TET1: variants seen among roughly 807,000 people sequenced by gnomAD.
TET1 encodes methylcytosine dioxygenase TET1.
TET1 carries 13 observed loss-of-function variants against 148.7 expected under a neutral mutation model. The observed-to-expected ratio is 0.09, with a 90% CI of 0.06 to 0.14. TET1 has a LOEUF of 0.14. Ranked by LOEUF, TET1 falls within the 10% of genes least tolerant of loss-of-function variation. The pLI is 1.00. For missense variants in TET1, 2,182 were observed against 2,553.8 expected, an observed-to-expected ratio of 0.85 and a Z score of 3.14; for synonymous variants, 907 against 937.2, an observed-to-expected ratio of 0.97 and a Z score of 0.59.
chr10:68,598,893 G>T (rs1447852270), intron 2 of TET1, among the ~76,000 whole-genome samples: 1 of 151,928 alleles, frequency 6.6e-6, no homozygotes, highest in Non-Finnish European at 1.5e-5. Flanking sequence ...TTTCCTGTTG[G>T]CCAGGCTGGT....
intron 2 of TET1, among the ~76,000 whole-genome samples, chr10:68,576,939 C>T (rs1448724942): frequency 6.6e-6 from 1 of 151,026 alleles, no homozygotes; most frequent in Non-Finnish European, 1.5e-5. Context: ...GAGAGAGTCT[C>T]ACTCTGTTGC....
intron 8 of TET1, among the ~76,000 whole-genome samples, chr10:68,676,004 C>T (rs552109848): frequency 1.3e-4 from 20 of 151,694 alleles, no homozygotes; most frequent in East Asian, 3.9e-4. Context: ...TACAGGCTCC[C>T]GCCACCATGC....
intron 3 of TET1, among the ~76,000 whole-genome samples, chr10:68,617,925 T>C (rs568740934): frequency 1.7e-4 from 25 of 147,068 alleles, no homozygotes; most frequent in Middle Eastern, 3.5e-3. Context: ...TTCTTTCTCT[T>C]TTTTTTTTTT....
chr10:68,687,920 T>C (rs1159809333), intron 11 of TET1, among the ~76,000 whole-genome samples: 4 of 152,164 alleles, frequency 2.6e-5, no homozygotes, highest in Non-Finnish European at 4.4e-5. Context: ...TTTTGGGTTT[T>C]GGGTTTTGGG....
intron 6 of TET1, among the ~76,000 whole-genome samples, chr10:68,655,384 G>C (rs2133128325): frequency 6.6e-6 from 1 of 152,226 alleles, no homozygotes; most frequent in East Asian, 1.9e-4. Context: ...TCACACAATT[G>C]GTTCCCAATA....
chr10:68,605,754 A>G (rs1382183552), intron 3 of TET1, among the ~76,000 whole-genome samples: 1 of 152,202 alleles, frequency 6.6e-6, no homozygotes. Context: ...GCCTCAAGTG[A>G]TCTGCCCACT....
intron 2 of TET1, among the ~76,000 whole-genome samples, chr10:68,596,433 C>T (rs773645022): frequency 1.2e-4 from 18 of 151,934 alleles, no homozygotes; most frequent in Non-Finnish European, 1.8e-4. Flanking sequence ...TTCTTTGGGC[C>T]TCTGAATTAT....
chr10:68,652,831 A>C (rs796690866), intron 6 of TET1, among the ~76,000 whole-genome samples: 13 of 133,440 alleles, frequency 9.7e-5, no homozygotes, highest in Admixed American at 2.4e-4. Context: ...AAGACTTGCC[A>C]CCAAACCCGG....
chr10:68,629,656 C>G (rs1267766560), intron 3 of TET1, among the ~76,000 whole-genome samples: 1 of 151,786 alleles, frequency 6.6e-6, no homozygotes, highest in East Asian at 1.9e-4. Context: ...GCCTCGGCCT[C>G]CCCTCCCAGT....
chr10:68,573,045 C>A lies in TET1; in HGVS notation c.707C>A (p.Thr236Asn). ...TTCTCTGAAGAGACATTGAATGATA[C>A]CAGTGGTTCCCCAAAAATGTTTGCT... The part of the protein sequence containing the change: ...GLFSEETLND[T>N]SGSPKMFAQD... The change falls in exon 2 of 12, where the codon ACC becomes AAC. Residue 236 changes from threonine (T) to asparagine (N), a missense_variant. By Grantham distance (65) the Thr-to-Asn change is moderately conservative. Around this residue, in one of 11 missense-constraint regions of TET1, gnomAD observed 665 missense variants for 672.4 expected, o/e 0.99. Coordinates refer to ENST00000373644, the MANE Select transcript of TET1 (RefSeq NM_030625.3). The A allele has an allele frequency of 6.2e-7, 1 of 1,614,136 alleles. No homozygotes were observed. The highest frequency in any genetic ancestry group is 8.5e-7 in the Non-Finnish European group (1 of 1,180,036).
chr10:68,669,843 T>C (rs924685780), intron 7 of TET1, among the ~76,000 whole-genome samples: 1 of 151,854 alleles, frequency 6.6e-6, no homozygotes, highest in Non-Finnish European at 1.5e-5. Flanking sequence ...TGTTGTATTT[T>C]TAGTAGAGAC....
At chr10:68,616,997 G>C (rs1247330257) in intron 3 of TET1, among the ~76,000 whole-genome samples, 1 of 117,036 alleles carries the variant, frequency 8.5e-6, no homozygotes, top group African/African-American at 3.3e-5. Context: ...ATGAGCCACC[G>C]CGCCTGGCCT....
At chr10:68,601,067 AT>A in intron 3 of TET1, 33 bp downstream of exon 3, 1 of 1,557,764 alleles carries the variant, frequency 6.4e-7, no homozygotes, top group Admixed American at 2.0e-5. Context: ...ATATTTCATT[AT>A]TTTTCCATTT....
In TET1 at chr10:68,624,686, C is replaced by T. The variant is rs1183591498; in HGVS notation, c.1969-20012C>T. Among the ~76,000 whole-genome samples, 510 of 121,966 alleles carry T rather than the reference C, an allele frequency of 4.2e-3. 13 individuals are homozygous for T. The highest frequency in any genetic ancestry group is 0.015 in the African/African-American group (479 of 30,934). The allele number at this position is 121,966 out of a possible 152,430, so 80.0% of individuals were successfully genotyped here. A position where few individuals can be genotyped will look rare whatever the true frequency, so the allele number is the denominator to read the frequency against. On this transcript the variant is annotated intron_variant, in intron 3 of 11. Coordinates refer to ENST00000373644, the MANE Select transcript of TET1 (RefSeq NM_030625.3). ...TCTCTCTCTCTCTCTCTCTCTCTCT[C>T]TCTCTCTCTCTTTCTTTCTTTTCCT...
intron 2 of TET1, among the ~76,000 whole-genome samples, chr10:68,591,304 C>CT (rs2053916224): frequency 6.6e-6 from 1 of 152,130 alleles, no homozygotes; most frequent in African/African-American, 2.4e-5. Flanking sequence ...TGGTTCCTCT[C>CT]TTTTTTCTAT....
intron 3 of TET1, among the ~76,000 whole-genome samples, chr10:68,629,218 A>G (rs943522478): frequency 2.0e-5 from 3 of 152,130 alleles, no homozygotes; most frequent in South Asian, 2.1e-4. Flanking sequence ...TGTGAAAATT[A>G]TCTGGGTGTG....
At chr10:68,597,029 G>GTTTTTTTTTTTTTT (rs1446597252) in intron 2 of TET1, among the ~76,000 whole-genome samples, 1 of 90,298 alleles carries the variant, frequency 1.1e-5, no homozygotes, top group African/African-American at 4.7e-5. Context: ...ACAGCTAATG[G>GTTTTTTTTTTTTTT]ATTTTTTTTT....
intron 6 of TET1, among the ~76,000 whole-genome samples, chr10:68,652,828 G>T (rs2054958123): frequency 6.9e-6 from 1 of 144,052 alleles, no homozygotes; most frequent in Non-Finnish European, 1.5e-5. Context: ...CTTAAGACTT[G>T]CCACCAAACC....
intron 6 of TET1, among the ~76,000 whole-genome samples, chr10:68,654,681 G>T (rs1017135707): frequency 2.0e-5 from 3 of 152,148 alleles, no homozygotes; most frequent in Non-Finnish European, 4.4e-5. Flanking sequence ...GGGGTAAAAA[G>T]GTGAATGATT....
Sources: allele counts gnomAD v4.1 joint callset (sites outside exome capture counted in the v4.1 genomes callset), GRCh38; gene constraint gnomAD v4.1.1; regional missense constraint gnomAD v4.1.1; transcripts MANE v1.5; gene names NCBI Gene and HGNC (gene_info 2026-07-23, HGNC 2026-07-21).